Variants in RPS6KA1 observed in about 807,000 individuals in gnomAD.
The protein encoded by RPS6KA1 is ribosomal protein S6 kinase A1.
Under a neutral mutation model 91.3 loss-of-function variants are expected in RPS6KA1, and 48 were observed. That is an observed-to-expected ratio of 0.53 (90% CI 0.42 to 0.67). The LOEUF is 0.67. Ranked by LOEUF, RPS6KA1 falls within the 30% of genes least tolerant of loss-of-function variation. The pLI, the probability that RPS6KA1 is intolerant of heterozygous loss-of-function variation, is 0.00. For synonymous variants in RPS6KA1, 359 were observed against 384.7 expected, an observed-to-expected ratio of 0.93 and a Z score of 0.78; for missense variants, 719 against 960.5, an observed-to-expected ratio of 0.75 and a Z score of 3.32.
In RPS6KA1 at chr1:26,574,741, A is replaced by G; in HGVS notation, c.*540A>G. The G allele has an allele frequency of 3.4e-6, 1 of 289,956 alleles. No individual in the cohort carries two copies. Among genetic ancestry groups the G allele is most frequent in the South Asian group, 2.9e-5 (1 of 34,954 alleles). 18.0% of individuals were successfully genotyped at this position (289,956 alleles called of 1,614,324 possible). A position where few individuals can be genotyped will look rare whatever the true frequency, so the allele number is the denominator to read the frequency against. On this transcript the variant is annotated 3_prime_UTR_variant, in exon 22 of 22. Coordinates refer to ENST00000374168, the MANE Select transcript of RPS6KA1 (RefSeq NM_002953.4). The surrounding 1 kb of genome is among the most constrained non-coding windows in gnomAD (Gnocchi z 4.3). ...CTGTTCTGCTGGGAGTTCTAGAACC[A>G]CTTCCTGCTACAGGAGGGGTCTCAT... is the stretch of plus-strand genomic sequence containing the variant.
chr1:26,569,253 C>T (rs1046397470), intron 17 of RPS6KA1, among the ~76,000 whole-genome samples: 1 of 152,092 alleles, frequency 6.6e-6, no homozygotes, highest in African/African-American at 2.4e-5. Flanking sequence ...GTCCACCCGC[C>T]GAGGTGCAGT....
rs530317162 is a variant in RPS6KA1, at chr1:26,541,662, C to G, written c.108+4693C>G. 2.0e-5 allele frequency among the ~76,000 whole-genome samples: 3 copies of G among 152,388 alleles called. No individual in the cohort carries two copies. In the East Asian group the frequency reaches 5.8e-4, roughly 29 times the overall value. On this transcript the variant is annotated intron_variant, in intron 2 of 21. Coordinates refer to ENST00000374168, the MANE Select transcript of RPS6KA1 (RefSeq NM_002953.4). Reference sequence around the variant, plus strand: ...GACCTAGTGTTGGAGGCCAGCTCCCCCTCAAGGCTGCCAGGGAGCTGTGGA... The same window carrying G: ...GACCTAGTGTTGGAGGCCAGCTCCCGCTCAAGGCTGCCAGGGAGCTGTGGA...
intron 2 of RPS6KA1, among the ~76,000 whole-genome samples, chr1:26,538,850 C>A (rs562324981): frequency 6.6e-6 from 1 of 152,310 alleles, no homozygotes; most frequent in African/African-American, 2.4e-5. Flanking sequence ...ACCAGTGTCC[C>A]TAATGCCCAC....
chr1:26,534,922 C>G (rs1308567745), intron 1 of RPS6KA1, among the ~76,000 whole-genome samples: 3 of 152,120 alleles, frequency 2.0e-5, no homozygotes, highest in Non-Finnish European at 2.9e-5. Flanking sequence ...GGTTTGGGGC[C>G]TGGTACATAG....
At chr1:26,530,566 G>A (rs1472466549) in intron 1 of RPS6KA1, among the ~76,000 whole-genome samples, 1 of 152,224 alleles carries the variant, frequency 6.6e-6, no homozygotes, top group East Asian at 1.9e-4. Context: ...CCCAGGCTGT[G>A]GAGACGAGAG....
At position 26,558,780 on chromosome 1, in the gene RPS6KA1, C is replaced by G. The variant is rs751070356; in HGVS notation, c.1085-27C>G. The G allele has an allele frequency of 5.0e-6, 8 of 1,585,362 alleles. No homozygotes were observed. In the South Asian group the frequency reaches 8.9e-5, roughly 18 times the overall value. The stretch of plus-strand genomic sequence containing the variant: ...GGGTCGAGGGGACCTCCTCAGGTAC[C>G]CTCACATTCTCCTTCCATCCGTACA... On this transcript the variant is annotated intron_variant, in intron 13 of 21. Coordinates refer to ENST00000374168, the MANE Select transcript of RPS6KA1 (RefSeq NM_002953.4). The surrounding 1 kb of genome is among the most constrained non-coding windows in gnomAD (Gnocchi z 4.0).
chr1:26,546,109 A>G, intron 2 of RPS6KA1: 5 of 1,517,938 alleles, frequency 3.3e-6, no homozygotes, highest in Admixed American at 3.8e-5. Context: ...CCAGCTTAAC[A>G]TAAGCTGGCT....
rs1171851215 is a variant in RPS6KA1, at chr1:26,551,477, G to A, written c.388G>A (p.Ala130Thr). 1.2e-6 allele frequency: 2 copies of A among 1,613,736 alleles called. No homozygotes were observed. Among genetic ancestry groups the A allele is most frequent in the African/African-American group, 2.7e-5 (2 of 75,048 alleles). Residue 130 changes from alanine to threonine, a missense_variant and splice_region_variant, in exon 5 of 22, where the codon GCC becomes ACC. Transcript: ENST00000374168. This position sits in a 1 kb window ranked among gnomAD's most constrained non-coding sequence, Gnocchi z 4.5. ...CCCATTCGTGGTGAAGCTGCACTATGGTAAAGCTTCTGGCCCTGCCTGAGC... is the reference window on the plus strand; with the variant it reads ...CCCATTCGTGGTGAAGCTGCACTATAGTAAAGCTTCTGGCCCTGCCTGAGC... ...NHPFVVKLHY[A>T]FQTEGKLYLI...
rs1387932606 is a variant in RPS6KA1, at chr1:26,555,528, C to T, written c.828-9C>T. The T allele has an allele frequency of 6.3e-7, 1 of 1,579,110 alleles. No individual in the cohort carries two copies. The highest frequency in any genetic ancestry group is 8.6e-7 in the Non-Finnish European group (1 of 1,161,240). ...GCTCAGCCTTGATGAGTCCCGGGGG[C>T]TGTTTCAGGGCGAAGCTAGGCATGC... On this transcript the variant is annotated splice_polypyrimidine_tract_variant and intron_variant, in intron 10 of 21. Coordinates refer to ENST00000374168, the MANE Select transcript of RPS6KA1 (RefSeq NM_002953.4). This position sits in a 1 kb window ranked among gnomAD's most constrained non-coding sequence, Gnocchi z 4.3.
Position 26,546,891 on chromosome 1 carries a change from TC to T in RPS6KA1, c.135del (p.Ile46SerfsTer48), listed in dbSNP as rs1380241613. ...SKDEGVLKEI[S>X]ITHHVKAGSE... ...GGATGAGGGCGTCCTCAAGGAGATCTCCATCACGCACCACGTCAAGGCTGGC... is the reference window on the plus strand; with the variant it reads ...GGATGAGGGCGTCCTCAAGGAGATCTCATCACGCACCACGTCAAGGCTGGC... On this transcript the variant is annotated frameshift_variant, in exon 3 of 22. Coordinates refer to ENST00000374168, the MANE Select transcript of RPS6KA1 (RefSeq NM_002953.4). LOFTEE classifies it high-confidence loss of function. The T allele has an allele frequency of 6.2e-7, 1 of 1,614,050 alleles. No homozygotes were observed. The highest frequency in any genetic ancestry group is 8.5e-7 in the Non-Finnish European group (1 of 1,179,974).
chr1:26,532,059 G>T (rs1255909427), intron 1 of RPS6KA1, among the ~76,000 whole-genome samples: 2 of 152,168 alleles, frequency 1.3e-5, no homozygotes, highest in East Asian at 3.9e-4. Context: ...GGGGCTGGTG[G>T]GGGACTTTTC....
Position 26,571,938 on chromosome 1 carries a change from G to T in RPS6KA1, c.1829+13G>T. ...CCATGCTGGCAGGGTGAGTGCCCCT[G>T]GCCTGGACCCTTCCCCACTCCTGCA... On this transcript the variant is annotated intron_variant, in intron 19 of 21. Coordinates refer to ENST00000374168, the MANE Select transcript of RPS6KA1 (RefSeq NM_002953.4). This position sits in a 1 kb window ranked among gnomAD's most constrained non-coding sequence, Gnocchi z 5.1. 6.2e-7 allele frequency: 1 copy of T among 1,608,922 alleles called. No homozygotes were observed.
At chr1:26,545,142 C>A (rs2075981485) in intron 2 of RPS6KA1, among the ~76,000 whole-genome samples, 1 of 150,884 alleles carries the variant, frequency 6.6e-6, no homozygotes, top group Non-Finnish European at 1.5e-5. Context: ...CTCTCCTGCC[C>A]CTGCCTGTTG....
chr1:26,539,802 C>G (rs925342406), intron 2 of RPS6KA1, among the ~76,000 whole-genome samples: 7 of 152,216 alleles, frequency 4.6e-5, no homozygotes, highest in Non-Finnish European at 1.0e-4. Context: ...TCCATTTGCC[C>G]TCCCTCCCTT....
At position 26,555,061 on chromosome 1, in the gene RPS6KA1, G is replaced by T. The variant is rs2076087334; in HGVS notation, c.757-90G>T. On this transcript the variant is annotated intron_variant, in intron 9 of 21. Coordinates refer to ENST00000374168, the MANE Select transcript of RPS6KA1 (RefSeq NM_002953.4). The surrounding 1 kb of genome is among the most constrained non-coding windows in gnomAD (Gnocchi z 4.3). ...ACTTGGATGTATCAGCAAGAATCCT[G>T]GGACTGGGGCAGAGGGGTCTGACTG... 5 of 1,296,892 alleles carry T rather than the reference G, an allele frequency of 3.9e-6. No individual in the cohort carries two copies. The South Asian group carries it at 6.1e-5, about 16-fold the overall frequency. 80.3% of individuals were successfully genotyped at this position (1,296,892 alleles called of 1,614,324 possible).
intron 1 of RPS6KA1, among the ~76,000 whole-genome samples, chr1:26,536,307 C>T (rs2075906214): frequency 6.6e-6 from 1 of 152,194 alleles, no homozygotes; most frequent in African/African-American, 2.4e-5. Flanking sequence ...GAAGGGCAGG[C>T]CTGTGTGTAA....
rs764839256 is a variant in RPS6KA1, at chr1:26,547,144, A to C, written c.226-45A>C. On this transcript the variant is annotated intron_variant, in intron 3 of 21. Transcript: ENST00000374168. The surrounding 1 kb of genome is among the most constrained non-coding windows in gnomAD (Gnocchi z 4.1). ...AGAAGATAGAGGTCAGCCTGGACTC[A>C]GACCTCTCCCATCTTCTGCCCTGCT... 4.4e-6 allele frequency: 7 copies of C among 1,593,412 alleles called. No homozygotes were observed. The highest frequency in any genetic ancestry group is 6.0e-6 in the Non-Finnish European group (7 of 1,161,382).
At chr1:26,543,584 A>G (rs1381197475) in intron 2 of RPS6KA1, among the ~76,000 whole-genome samples, 1 of 152,168 alleles carries the variant, frequency 6.6e-6, no homozygotes, top group African/African-American at 2.4e-5. Context: ...CCTGAAGATA[A>G]GATTGTGTCT....
chr1:26,545,393 G>A (rs1353215399), intron 2 of RPS6KA1, among the ~76,000 whole-genome samples: 1 of 149,548 alleles, frequency 6.7e-6, no homozygotes, highest in African/African-American at 2.5e-5. Context: ...AACCAGGATC[G>A]TCTCGATCTC....
Sources: gnomAD v4.1 joint callset for allele counts (sites outside exome capture counted in the v4.1 genomes callset) on GRCh38, gnomAD v4.1.1 for gene constraint, Gnocchi (gnomAD v3.1) non-coding constraint, MANE v1.5 for transcripts, NCBI Gene and HGNC (gene_info 2026-07-23, HGNC 2026-07-21) for gene names.